Variants in ANTXRL observed in about 807,000 individuals in gnomAD.
ANTXRL encodes anthrax toxin receptor-like.
A neutral mutation model predicts 75.4 loss-of-function variants in ANTXRL; 63 were observed. The observed-to-expected ratio is 0.84, with a 90% confidence interval of 0.68 to 1.03. The LOEUF (loss-of-function observed/expected upper bound fraction) is 1.03, where lower values mean the gene tolerates loss of function less well. Among genes scored for constraint, ANTXRL ranks in the 50% least tolerant of loss-of-function variants. The pLI is 0.00. For missense variants in ANTXRL, 797 were observed against 789.4 expected (o/e 1.01, Z -0.12); for synonymous variants, 335 against 291.3 (o/e 1.15, Z -1.53).
rs1554956685 is a variant in ANTXRL at position 46,292,131 on chromosome 10, T to C, written c.320+2T>C. On this transcript the variant is annotated splice_donor_variant, in intron 2 of 16. Transcript: ENST00000620264. LOFTEE classifies it high-confidence loss of function. ...GGAAACAGTGGCGAGGTTCCAAAGG[T>C]ACAGATCTCTGCATGGCAGCCTCCC... 1 of 1,536,004 alleles carries C rather than the reference T, an allele frequency of 6.5e-7. No homozygotes were observed. The highest frequency in any genetic ancestry group is 1.2e-5 in the South Asian group (1 of 84,044).
chr10:46,314,143 C>A (rs181425956), intron 16 of ANTXRL, among the ~76,000 whole-genome samples: 1 of 152,314 alleles, frequency 6.6e-6, no homozygotes, highest in Non-Finnish European at 1.5e-5. Flanking sequence ...GGCCAGGTGG[C>A]TGTGCATGGA....
At chr10:46,288,017 A>G (rs1223869271) in intron 1 of ANTXRL, among the ~76,000 whole-genome samples, 2 of 152,072 alleles carry the variant, frequency 1.3e-5, no homozygotes, top group African/African-American at 4.8e-5. Flanking sequence ...CTCTTCTGCA[A>G]CTTGGAGAGC....
At chr10:46,313,849 G>A (rs192182257) in intron 16 of ANTXRL, among the ~76,000 whole-genome samples, 1 of 152,258 alleles carries the variant, frequency 6.6e-6, no homozygotes, top group African/African-American at 2.4e-5. Context: ...ATATTAAGTA[G>A]CATGTCCCTG....
intron 2 of ANTXRL, 36 bp from the exon 3 acceptor site, chr10:46,293,793 C>T: frequency 6.6e-7 from 1 of 1,518,922 alleles, no homozygotes; most frequent in Non-Finnish European, 8.8e-7. Flanking sequence ...TGAGCCTGTG[C>T]CACTGGCTTC....
At chr10:46,317,825 A>G (rs183797416) in intron 16 of ANTXRL, among the ~76,000 whole-genome samples, 2 of 152,292 alleles carry the variant, frequency 1.3e-5, no homozygotes, top group East Asian at 1.9e-4. Context: ...CAATCACTTC[A>G]GGAAATGTCC....
chr10:46,302,723 A>G lies in ANTXRL; in HGVS notation c.798A>G (p.Glu266=). ...GCCTTTTGAATGTTGTCCTTGCAGA[A>G]CCCTACCATGTGGTTATTCATGGAA... is the stretch of plus-strand genomic sequence containing the variant. The part of the protein sequence containing the change: ...SVEPSSECVG[E]PYHVVIHGNG... The change falls in exon 10 of 17, where the codon GAA becomes GAG. Residue 266 remains glutamate (E), a splice_region_variant and synonymous_variant. Coordinates refer to ENST00000620264, the MANE Select transcript of ANTXRL (RefSeq NM_001278688.3). The G allele has an allele frequency of 2.6e-6, 4 of 1,535,044 alleles. No individual in the cohort carries two copies. In the Admixed American group the frequency reaches 7.8e-5, roughly 30 times the overall value.
At chr10:46,295,897 C>A in intron 3 of ANTXRL, 122 bp from the exon 4 acceptor site, 1 of 798,230 alleles carries the variant, frequency 1.3e-6, no homozygotes, top group Non-Finnish European at 2.1e-6. Flanking sequence ...AAAGCCCTTG[C>A]CTGGGCCCCT....
intron 13 of ANTXRL, among the ~76,000 whole-genome samples, chr10:46,309,956 C>G (rs576191653): frequency 3.9e-5 from 6 of 152,230 alleles, no homozygotes; most frequent in African/African-American, 1.4e-4. Context: ...GCTCAGAGAG[C>G]TGCAGACAGA....
At chr10:46,314,154 C>T (rs1237653671) in intron 16 of ANTXRL, among the ~76,000 whole-genome samples, 1 of 152,184 alleles carries the variant, frequency 6.6e-6, no homozygotes, top group African/African-American at 2.4e-5. Context: ...TGTGCATGGA[C>T]AAGGCCTTGC....
intron 5 of ANTXRL, among the ~76,000 whole-genome samples, chr10:46,296,871 C>T (rs1554958893): frequency 6.6e-6 from 1 of 152,180 alleles, no homozygotes; most frequent in Admixed American, 6.5e-5. Context: ...CTGTCTGTTA[C>T]AGGAGGGCCC....
intron 10 of ANTXRL, among the ~76,000 whole-genome samples, chr10:46,306,051 C>T (rs1175906451): frequency 1.3e-5 from 2 of 152,170 alleles, no homozygotes; most frequent in Non-Finnish European, 2.9e-5. Context: ...CAAGGCCCTG[C>T]CCCCTGTCCT....
intron 8 of ANTXRL, 33 bp downstream of exon 8, chr10:46,297,944 G>C (rs1233744387): frequency 1.6e-5 from 24 of 1,535,658 alleles, no homozygotes; most frequent in Non-Finnish European, 2.0e-5. Context: ...CTGGGGACCT[G>C]GATCCTTTGG....
At position 46,296,064 on chromosome 10, in the gene ANTXRL, T is replaced by C; in HGVS notation, c.438T>C (p.Pro146=). 2.6e-6 allele frequency: 4 copies of C among 1,536,000 alleles called. No individual in the cohort carries two copies. Among genetic ancestry groups the C allele is most frequent in the Non-Finnish European group, 3.5e-6 (4 of 1,146,760 alleles). Residue 146 remains proline, a synonymous_variant, in exon 4 of 17, where the codon CCT becomes CCC. Transcript: ENST00000620264. The part of the protein sequence containing the change: ...NGLDQLQKIV[P]DGHTFMQAGF... ...TTGACCAACTTCAGAAAATTGTGCCTGACGGTCACACATTCATGCAGGCAG... is the reference window on the plus strand; with the variant it reads ...TTGACCAACTTCAGAAAATTGTGCCCGACGGTCACACATTCATGCAGGCAG...
At chr10:46,293,277 TGA>T (rs781785515) in intron 2 of ANTXRL, among the ~76,000 whole-genome samples, 27,379 of 138,674 alleles carry the variant, frequency 0.2, 2,243 homozygotes, top group African/African-American at 0.22. Context: ...TGTGCGTGTG[TGA>T]GAGTGTGTGC....
At chr10:46,290,829 T>G (rs1554956256) in intron 1 of ANTXRL, among the ~76,000 whole-genome samples, 2 of 152,164 alleles carry the variant, frequency 1.3e-5, no homozygotes, top group Non-Finnish European at 2.9e-5. Context: ...TTGTATATTC[T>G]GGATATTAAT....
rs7100993 is a variant in ANTXRL at position 46,306,785 on chromosome 10, C to T, written c.896-18C>T. 0.17 allele frequency: 252,552 copies of T among 1,509,278 alleles called. 17,998 individuals are homozygous for T. The highest frequency in any genetic ancestry group is 0.25 in the East Asian group (9,935 of 40,234). The allele number at this position is 1,509,278 out of a possible 1,614,324, so 93.5% of individuals were successfully genotyped here. A position where few individuals can be genotyped will look rare whatever the true frequency, so the allele number is the denominator to read the frequency against. On this transcript the variant is annotated intron_variant, in intron 10 of 16. Transcript: ENST00000620264. ...CAGACAGGTGCACTGACATTCTTCTCATGTCATTTTCTTTTAGATGAAAAG... is the reference window on the plus strand; with the variant it reads ...CAGACAGGTGCACTGACATTCTTCTTATGTCATTTTCTTTTAGATGAAAAG...
intron 1 of ANTXRL, among the ~76,000 whole-genome samples, chr10:46,289,323 A>G (rs1222664112): frequency 6.6e-6 from 1 of 152,224 alleles, no homozygotes; most frequent in Non-Finnish European, 1.5e-5. Flanking sequence ...GAAAACATAC[A>G]TAACAAAAAT....
At position 46,293,915 on chromosome 10, in the gene ANTXRL, G is replaced by A; in HGVS notation, c.392+15G>A. The A allele has an allele frequency of 6.5e-7, 1 of 1,535,142 alleles. No individual in the cohort carries two copies. Among genetic ancestry groups the A allele is most frequent in the Non-Finnish European group, 8.7e-7 (1 of 1,146,238 alleles). On this transcript the variant is annotated intron_variant, in intron 3 of 16. Transcript: ENST00000620264. ...ACCTCAGACAAGTGAGTGCTGCTTT[G>A]AGCCCCAAAGGGAGGCCTGATGAGC...
intron 16 of ANTXRL, among the ~76,000 whole-genome samples, chr10:46,316,853 G>A (rs1216623986): frequency 6.6e-6 from 1 of 152,184 alleles, no homozygotes. Context: ...TGCTATGGCT[G>A]CAGGGAATTT....
Sources: allele counts gnomAD v4.1 joint callset (sites outside exome capture counted in the v4.1 genomes callset), GRCh38; gene constraint gnomAD v4.1.1; transcripts MANE v1.5; gene names NCBI Gene and HGNC (gene_info 2026-07-23, HGNC 2026-07-21).